The following LHFPL6 variants were observed in gnomAD, a reference collection of about 807,000 sequenced individuals.
LHFPL6 encodes the protein LHFPL tetraspan subfamily member 6 protein.
Under a neutral mutation model 20.6 loss-of-function variants are expected in LHFPL6, and 9 were observed. The ratio of observed to expected loss-of-function variants is 0.44; its 90% confidence interval spans 0.26 to 0.76. The LOEUF is 0.76. LHFPL6 is among the 30% of genes least tolerant of loss of function. The pLI, the probability that LHFPL6 is intolerant of heterozygous loss-of-function variation, is 0.20. For synonymous variants in LHFPL6, 105 were observed against 98.7 expected (o/e 1.06, Z -0.38); for missense variants, 218 against 253.5 (o/e 0.86, Z 0.95).
chr13:39,549,581 G>A (rs1871088683), intron 2 of LHFPL6, among the ~76,000 whole-genome samples: 1 of 152,018 alleles, frequency 6.6e-6, no homozygotes, highest in Admixed American at 6.6e-5. Flanking sequence ...AACAAAAAAT[G>A]GTACAGCCAC....
chr13:39,528,456 A>T (rs1870361010), intron 2 of LHFPL6, among the ~76,000 whole-genome samples: 1 of 152,334 alleles, frequency 6.6e-6, no homozygotes, highest in African/African-American at 2.4e-5. Context: ...AACAGCAATG[A>T]CAAGCTCAGC....
intron 2 of LHFPL6, among the ~76,000 whole-genome samples, chr13:39,597,868 C>G (rs1451028502): frequency 1.3e-5 from 2 of 152,216 alleles, no homozygotes; most frequent in Non-Finnish European, 2.9e-5. Flanking sequence ...ACAATTTGTC[C>G]TTTAACTTGT....
intron 2 of LHFPL6, among the ~76,000 whole-genome samples, chr13:39,556,419 A>C (rs938811014): frequency 2.0e-5 from 3 of 152,196 alleles, no homozygotes; most frequent in Non-Finnish European, 2.9e-5. Context: ...GAGATCTCAG[A>C]TGGAAATAAG....
At chr13:39,595,406 C>A (rs1274485545) in intron 2 of LHFPL6, among the ~76,000 whole-genome samples, 1 of 152,158 alleles carries the variant, frequency 6.6e-6, no homozygotes, top group East Asian at 1.9e-4. Flanking sequence ...GATTCTCATG[C>A]CTCAGCCTCC....
intron 2 of LHFPL6, among the ~76,000 whole-genome samples, chr13:39,418,382 C>CTTTTTTTTTTTT (rs71077297): frequency 7.7e-6 from 1 of 129,736 alleles, no homozygotes; most frequent in Non-Finnish European, 1.6e-5. Flanking sequence ...TTTTTTTGGT[C>CTTTTTTTTTTTT]TTTTTTTTTT....
intron 3 of LHFPL6, among the ~76,000 whole-genome samples, chr13:39,354,946 AAAG>A (rs1009734080): frequency 3.3e-5 from 5 of 151,734 alleles, no homozygotes; most frequent in African/African-American, 1.2e-4. Flanking sequence ...CATTTCTGAG[AAAG>A]AAGGAGAGAG....
At chr13:39,444,887 C>T (rs958677594) in intron 2 of LHFPL6, among the ~76,000 whole-genome samples, 2 of 152,162 alleles carry the variant, frequency 1.3e-5, no homozygotes, top group African/African-American at 4.8e-5. Flanking sequence ...CACAGAGTCA[C>T]CAGTGTGCAA....
At chr13:39,365,251 G>A (rs538110270) in intron 3 of LHFPL6, among the ~76,000 whole-genome samples, 1 of 152,152 alleles carries the variant, frequency 6.6e-6, no homozygotes, top group Non-Finnish European at 1.5e-5. Context: ...ATGTGAAGAG[G>A]TGCTGCATTT....
At chr13:39,421,633 A>C (rs1034351820) in intron 2 of LHFPL6, among the ~76,000 whole-genome samples, 1 of 152,168 alleles carries the variant, frequency 6.6e-6, no homozygotes, top group Non-Finnish European at 1.5e-5. Context: ...GGACAAGTTC[A>C]AGGTTCCAAG....
intron 2 of LHFPL6, among the ~76,000 whole-genome samples, chr13:39,390,180 C>T (rs1461940567): frequency 1.3e-5 from 2 of 152,008 alleles, no homozygotes; most frequent in African/African-American, 4.8e-5. Context: ...GTAAAATCTA[C>T]ATTTGTTGAA....
intron 2 of LHFPL6, among the ~76,000 whole-genome samples, chr13:39,501,825 C>T: frequency 6.6e-6 from 1 of 152,078 alleles, no homozygotes; most frequent in East Asian, 1.9e-4. Flanking sequence ...CGAACCAGGG[C>T]AGAGAAGCAT....
chr13:39,461,079 C>G (rs1173240021), intron 2 of LHFPL6, among the ~76,000 whole-genome samples: 1 of 152,152 alleles, frequency 6.6e-6, no homozygotes, highest in Non-Finnish European at 1.5e-5. Flanking sequence ...GAGGGGAGAA[C>G]ATGCAGTATT....
In LHFPL6 at chr13:39,490,061, G is replaced by A. The variant is rs566249809; in HGVS notation, c.385+110771C>T. On this transcript the variant is annotated intron_variant, in intron 2 of 3. Transcript: ENST00000379589. Reference sequence around the variant, plus strand: ...TCTTTTGCCTACAGTTGGAAACCTGGAGACAACAAGTAATAACAGATTAAA... The same window carrying A: ...TCTTTTGCCTACAGTTGGAAACCTGAAGACAACAAGTAATAACAGATTAAA... Among the ~76,000 whole-genome samples, 112 of 150,216 alleles carry A rather than the reference G, an allele frequency of 7.5e-4. 1 individual carries two copies. The South Asian group carries it at 0.015, about 20-fold the overall frequency.
chr13:39,439,225 A>C (rs917542851), intron 2 of LHFPL6, among the ~76,000 whole-genome samples: 1 of 152,162 alleles, frequency 6.6e-6, no homozygotes, highest in Non-Finnish European at 1.5e-5. Flanking sequence ...GTCAAAGGAG[A>C]TTATTTTGGA....
At chr13:39,564,369 T>C (rs1023893973) in intron 2 of LHFPL6, among the ~76,000 whole-genome samples, 1 of 152,216 alleles carries the variant, frequency 6.6e-6, no homozygotes, top group African/African-American at 2.4e-5. Flanking sequence ...ACATTAAATA[T>C]GTATGTGCTC....
Position 39,590,668 on chromosome 13 carries a change from C to T in LHFPL6, c.385+10164G>A, listed in dbSNP as rs568896440. On this transcript the variant is annotated intron_variant, in intron 2 of 3. Coordinates refer to ENST00000379589, the MANE Select transcript of LHFPL6 (RefSeq NM_005780.3). ...TGTGTGGAGTGCAAATTGTATGCAT[C>T]TCACGATATTTACATTGAATCATGT... Among the ~76,000 whole-genome samples the T allele has an allele frequency of 9.8e-5, 15 of 152,298 alleles. No homozygotes were observed. In the East Asian group the frequency reaches 2.9e-3, roughly 29 times the overall value.
chr13:39,496,970 C>T (rs942098972), intron 2 of LHFPL6, among the ~76,000 whole-genome samples: 7 of 152,198 alleles, frequency 4.6e-5, no homozygotes, highest in Non-Finnish European at 2.9e-5. Flanking sequence ...AATCATAACA[C>T]TCTGCAATCA....
At chr13:39,573,337 G>A (rs573912965) in intron 2 of LHFPL6, among the ~76,000 whole-genome samples, 29 of 152,204 alleles carry the variant, frequency 1.9e-4, no homozygotes, top group Non-Finnish European at 3.4e-4. Flanking sequence ...CTTAGCCTTC[G>A]AAAGGAAGGC....
intron 2 of LHFPL6, among the ~76,000 whole-genome samples, chr13:39,425,646 A>AT (rs1388245458): frequency 1.3e-5 from 2 of 152,158 alleles, no homozygotes; most frequent in African/African-American, 4.8e-5. Flanking sequence ...GGAGCATCTT[A>AT]TATGCTTATT....
Sources: allele counts gnomAD v4.1 joint callset (sites outside exome capture counted in the v4.1 genomes callset), GRCh38; gene constraint gnomAD v4.1.1; transcripts MANE v1.5; gene names NCBI Gene and HGNC (gene_info 2026-07-23, HGNC 2026-07-21).